The following MVB12B variants were observed in gnomAD, a reference collection of about 807,000 sequenced individuals.
MVB12B encodes multivesicular body subunit 12B.
Under a neutral mutation model 41.6 loss-of-function variants are expected in MVB12B, and 16 were observed. The ratio of observed to expected loss-of-function variants is 0.38; its 90% CI spans 0.26 to 0.58. MVB12B has a LOEUF of 0.58. Ranked by LOEUF, MVB12B falls within the 20% of genes least tolerant of loss-of-function variation. The pLI is 0.62. For missense variants in MVB12B, 274 were observed against 380.2 expected, an observed-to-expected ratio of 0.72 and a Z score of 2.32; for synonymous variants, 133 against 139.7, an observed-to-expected ratio of 0.95 and a Z score of 0.34.
In MVB12B at chr9:126,492,236, C is replaced by T. The variant is rs78577721; in HGVS notation, c.873+8204C>T. ...CATGTTCCTTTACAGATCAGCCTTA[C>T]CCTTTTTAATGACTATATGTTGTTC... is the stretch of plus-strand genomic sequence containing the variant. On this transcript the variant is annotated intron_variant, in intron 9 of 9. Coordinates refer to ENST00000361171, the MANE Select transcript of MVB12B (RefSeq NM_033446.3). Among the ~76,000 whole-genome samples, 866 of 149,318 alleles carry T rather than the reference C, an allele frequency of 5.8e-3. 6 individuals carry two copies. The highest frequency in any genetic ancestry group is 0.017 in the Middle Eastern group (5 of 294).
Position 126,392,312 on chromosome 9 carries a change from C to G in MVB12B, c.539+117C>G, listed in dbSNP as rs548982162. 20 of 1,226,566 alleles carry G rather than the reference C, an allele frequency of 1.6e-5. No homozygotes were observed. In the East Asian group the frequency reaches 4.3e-4, roughly 26 times the overall value. The allele number at this position is 1,226,566 out of a possible 1,614,324, so 76.0% of individuals were successfully genotyped here. A position where few individuals can be genotyped will look rare whatever the true frequency, so the allele number is the denominator to read the frequency against. ...GCCCCCCAGGCTCTCAGCCATGGGC[C>G]TCTGTCAGCCCAGTGCTCCTCGCTG... On this transcript the variant is annotated intron_variant, in intron 5 of 9. Transcript: ENST00000361171. The surrounding 1 kb of genome is among the most constrained non-coding windows in gnomAD (Gnocchi z 4.8).
chr9:126,416,404 A>G (rs1564319642), intron 6 of MVB12B, among the ~76,000 whole-genome samples: 1 of 152,128 alleles, frequency 6.6e-6, no homozygotes, highest in Non-Finnish European at 1.5e-5. Context: ...ACTGCCCTCA[A>G]CCACTACAAC....
At chr9:126,407,403 G>A (rs562946456) in intron 6 of MVB12B, among the ~76,000 whole-genome samples, 8 of 152,220 alleles carry the variant, frequency 5.3e-5, no homozygotes, top group African/African-American at 1.7e-4. Flanking sequence ...TGTGCTGGCC[G>A]GCATTTCCTG....
intron 9 of MVB12B, among the ~76,000 whole-genome samples, chr9:126,494,868 A>ACCCCC (rs61435398): frequency 7.8e-6 from 1 of 127,568 alleles, no homozygotes; most frequent in African/African-American, 2.7e-5. Context: ...GGAGCACCCC[A>ACCCCC]CCCCCCCCCA....
intron 6 of MVB12B, among the ~76,000 whole-genome samples, chr9:126,399,029 G>A (rs964377940): frequency 2.6e-5 from 4 of 152,224 alleles, no homozygotes; most frequent in African/African-American, 4.8e-5. Context: ...GCCTCTAGAA[G>A]CAGGAGCTTC....
At chr9:126,400,851 AG>A (rs1315918293) in intron 6 of MVB12B, among the ~76,000 whole-genome samples, 2 of 152,210 alleles carry the variant, frequency 1.3e-5, no homozygotes, top group East Asian at 3.8e-4. Flanking sequence ...GTCTCCGTCC[AG>A]GGTAGGCAGG....
intron 2 of MVB12B, among the ~76,000 whole-genome samples, chr9:126,351,129 A>T (rs1829735073): frequency 6.6e-6 from 1 of 152,146 alleles, no homozygotes; most frequent in Admixed American, 6.5e-5. Flanking sequence ...CTAAATATTT[A>T]TTTTTAGATT....
chr9:126,490,184 C>T (rs1410246371), intron 9 of MVB12B, among the ~76,000 whole-genome samples: 1 of 152,184 alleles, frequency 6.6e-6, no homozygotes. Context: ...GATGGATTCC[C>T]CATCGCAACC....
At chr9:126,503,040 C>A in intron 9 of MVB12B, 137 bp from the exon 10 acceptor site, 1 of 779,728 alleles carries the variant, frequency 1.3e-6, no homozygotes, top group South Asian at 1.5e-5. Flanking sequence ...CTGGCACCGG[C>A]CTGGCCAGCT....
chr9:126,413,705 C>T (rs1247026689), intron 6 of MVB12B, among the ~76,000 whole-genome samples: 2 of 152,248 alleles, frequency 1.3e-5, no homozygotes, highest in South Asian at 4.1e-4. Context: ...AAACTGGCTG[C>T]GTCGTCTTCC....
rs59801697 is a variant in MVB12B, at chr9:126,333,843, TTCCATCCATCCATCCATCCATCCATCCA to T, written c.82-6647_82-6620del. Reference sequence around the variant, plus strand: ...CCATGGAAGATTACCTTTAGGTTCATTCCATCCATCCATCCATCCATCCATCCATCCATCCATCCATCCATTCGTTCAT... The same window carrying T: ...CCATGGAAGATTACCTTTAGGTTCATTCCATCCATCCATCCATTCGTTCAT... On this transcript the variant is annotated intron_variant, in intron 1 of 9. Transcript: ENST00000361171. This position sits in a 1 kb window ranked among gnomAD's most constrained non-coding sequence, Gnocchi z 4.7. Among the ~76,000 whole-genome samples the T allele has an allele frequency of 6.7e-6, 1 of 149,668 alleles. No homozygotes were observed. The highest frequency in any genetic ancestry group is 2.5e-5 in the African/African-American group (1 of 40,450).
chr9:126,366,384 G>T (rs1830182417), intron 2 of MVB12B, among the ~76,000 whole-genome samples: 1 of 151,500 alleles, frequency 6.6e-6, no homozygotes, highest in African/African-American at 2.4e-5. Context: ...ACTAGTACAT[G>T]TTCATTATGG....
At chr9:126,462,282 T>A (rs1034678071) in intron 7 of MVB12B, among the ~76,000 whole-genome samples, 2 of 152,196 alleles carry the variant, frequency 1.3e-5, no homozygotes, top group African/African-American at 4.8e-5. Context: ...CAGGCCAGGG[T>A]ATTGGAAGTG....
intron 2 of MVB12B, among the ~76,000 whole-genome samples, chr9:126,347,180 G>T (rs1038341823): frequency 6.6e-6 from 1 of 152,238 alleles, no homozygotes; most frequent in Non-Finnish European, 1.5e-5. Context: ...GGGCCCTTGA[G>T]GGGGCAGAGG....
chr9:126,444,272 T>C (rs1203186306), intron 7 of MVB12B, among the ~76,000 whole-genome samples: 1 of 152,230 alleles, frequency 6.6e-6, no homozygotes, highest in Non-Finnish European at 1.5e-5. Context: ...TTTTGACATA[T>C]AATGACAAAT....
chr9:126,491,819 G>A (rs1226364517), intron 9 of MVB12B, among the ~76,000 whole-genome samples: 2 of 152,128 alleles, frequency 1.3e-5, no homozygotes, highest in African/African-American at 4.8e-5. Flanking sequence ...AGAGAAGTCT[G>A]AGGCTTCTTT....
intron 7 of MVB12B, among the ~76,000 whole-genome samples, chr9:126,466,064 G>C (rs924564005): frequency 6.6e-6 from 1 of 152,174 alleles, no homozygotes; most frequent in Admixed American, 6.5e-5. Flanking sequence ...AGTTTTTGTT[G>C]CATAACAAAC....
Position 126,389,232 on chromosome 9 carries a change from G to A in MVB12B, c.409+2574G>A, listed in dbSNP as rs537351219. On this transcript the variant is annotated intron_variant, in intron 4 of 9. Transcript: ENST00000361171. The surrounding 1 kb of genome is among the most constrained non-coding windows in gnomAD (Gnocchi z 4.4). Reference sequence around the variant, plus strand: ...GGGGGTCTCTTCATTTCTGGTTCTAGCAACATTTCCTGGAGCTTTTCACCC... The same window carrying A: ...GGGGGTCTCTTCATTTCTGGTTCTAACAACATTTCCTGGAGCTTTTCACCC... 1.3e-5 allele frequency among the ~76,000 whole-genome samples: 2 copies of A among 152,238 alleles called. No homozygotes were observed. Among genetic ancestry groups the A allele is most frequent in the South Asian group, 4.1e-4 (2 of 4,822 alleles).
At chr9:126,377,193 T>C (rs1298301675) in intron 2 of MVB12B, among the ~76,000 whole-genome samples, 1 of 152,194 alleles carries the variant, frequency 6.6e-6, no homozygotes, top group Non-Finnish European at 1.5e-5. Flanking sequence ...CCTAGGGCCC[T>C]CCTGCTCCTC....
Sources: allele counts gnomAD v4.1 joint callset (sites outside exome capture counted in the v4.1 genomes callset), GRCh38; gene constraint gnomAD v4.1.1; non-coding constraint Gnocchi (gnomAD v3.1); transcripts MANE v1.5; gene names NCBI Gene and HGNC (gene_info 2026-07-23, HGNC 2026-07-21).